ASH1L: variants seen among roughly 807,000 people sequenced by gnomAD.
ASH1L encodes histone-lysine N-methyltransferase ASH1L.
Under a neutral mutation model 269.0 loss-of-function variants are expected in ASH1L, and 23 were observed. That is an observed-to-expected ratio of 0.09 (90% CI 0.06 to 0.12). ASH1L has a LOEUF of 0.12. ASH1L is among the 10% of genes least tolerant of loss of function. The pLI, the probability that ASH1L is intolerant of heterozygous loss-of-function variation, is 1.00. For synonymous variants in ASH1L, 1,187 were observed against 1,253.5 expected (o/e 0.95, Z 1.12); for missense variants, 2,912 against 3,567.8 (o/e 0.82, Z 4.68).
chr1:155,345,212 A>C (rs1653163567), intron 21 of ASH1L, among the ~76,000 whole-genome samples: 2 of 109,794 alleles, frequency 1.8e-5, no homozygotes, highest in Admixed American at 1.4e-4. Context: ...ACTGAGTCTC[A>C]CTCCGTCACC....
Position 155,339,234 on chromosome 1 carries a change from G to C in ASH1L, c.8501+94C>G, listed in dbSNP as rs1430722170. 3.5e-6 allele frequency: 4 copies of C among 1,143,596 alleles called. No individual in the cohort carries two copies. In the African/African-American group the frequency reaches 6.1e-5, roughly 17 times the overall value. 70.8% of individuals were successfully genotyped at this position (1,143,596 alleles called of 1,614,324 possible). The stretch of plus-strand genomic sequence containing the variant: ...ACTCTGCAGAGAATACCCAGTCCTA[G>C]AAGTGGAGCTGAGTGGGTAGTTGTT... On this transcript the variant is annotated intron_variant, in intron 26 of 27. Transcript: ENST00000392403.
chr1:155,541,380 T>C (rs1405508703), intron 1 of ASH1L, among the ~76,000 whole-genome samples: 1 of 152,042 alleles, frequency 6.6e-6, no homozygotes, highest in Non-Finnish European at 1.5e-5. Flanking sequence ...ATAAGCACTA[T>C]ATACACCATG....
chr1:155,470,125 C>T (rs1664987724), intron 3 of ASH1L, among the ~76,000 whole-genome samples: 1 of 152,172 alleles, frequency 6.6e-6, no homozygotes, highest in Admixed American at 6.5e-5. Context: ...CAGTCCCTCA[C>T]TTCTCTGCTC....
Position 155,479,052 on chromosome 1 carries a change from T to C in ASH1L, c.3818A>G (p.Lys1273Arg), listed in dbSNP as rs185176385. ...ATTTCGAAGCTGGGGATATTTCTTT[T>C]TCCGTTTTCGTTTCTGCCTTTTCAT... The part of the protein sequence containing the change: ...DKMKRQKRKR[K>R]KKYPQLRNRQ... The change falls in exon 3 of 28, where the codon AAA becomes AGA. Residue 1273 changes from lysine to arginine, a missense_variant. By Grantham distance (26) the Lys-to-Arg change is conservative (BLOSUM62 2). Coordinates refer to ENST00000392403, the MANE Select transcript of ASH1L (RefSeq NM_018489.3). The C allele has an allele frequency of 9.9e-6, 16 of 1,614,084 alleles. 1 individual carries two copies. In the Admixed American group the frequency reaches 2.7e-4, roughly 27 times the overall value.
chr1:155,532,530 T>C (rs922310272), intron 1 of ASH1L, among the ~76,000 whole-genome samples: 1 of 152,118 alleles, frequency 6.6e-6, no homozygotes, highest in African/African-American at 2.4e-5. Flanking sequence ...GTTATTAATA[T>C]AGTGGTCTGG....
intron 10 of ASH1L, among the ~76,000 whole-genome samples, chr1:155,375,136 C>T (rs1337199957): frequency 1.2e-4 from 18 of 151,856 alleles, no homozygotes; most frequent in Admixed American, 1.1e-3. Flanking sequence ...TTTCATAATA[C>T]CTAATAACAC....
intron 2 of ASH1L, among the ~76,000 whole-genome samples, chr1:155,499,224 G>A (rs1667353895): frequency 1.3e-5 from 2 of 152,128 alleles, no homozygotes; most frequent in South Asian, 4.1e-4. Flanking sequence ...ATCATGTGAT[G>A]TAAACTTCCA....
At chr1:155,476,071 T>A (rs1219618140) in intron 3 of ASH1L, among the ~76,000 whole-genome samples, 1 of 152,166 alleles carries the variant, frequency 6.6e-6, no homozygotes, top group African/African-American at 2.4e-5. Context: ...GACCTAAGCA[T>A]AAGACTTTTT....
chr1:155,387,683 T>A (rs374486846), intron 7 of ASH1L, among the ~76,000 whole-genome samples: 60 of 152,300 alleles, frequency 3.9e-4, no homozygotes, highest in Middle Eastern at 3.4e-3. Context: ...AGAATTTCAA[T>A]GGTAGTTTAA....
Position 155,479,605 on chromosome 1 carries a change from G to T in ASH1L, c.3265C>A (p.Leu1089Ile). Reference protein sequence around the residue: ...QAAGSALGQILPPLLPSSASS... With the variant: ...QAAGSALGQIIPPLLPSSASS... ...GCAGATGAAGGCAGTAATGGGGGAA[G>T]AATCTGTCCTAATGCTGACCCAGCT... Residue 1089 changes from leucine (L) to isoleucine (I), a missense_variant, in exon 3 of 28, where the codon CTT becomes ATT. Around this residue, in one of 13 missense-constraint regions of ASH1L, gnomAD observed 157 missense variants for 154.6 expected, o/e 1.02. Coordinates refer to ENST00000392403, the MANE Select transcript of ASH1L (RefSeq NM_018489.3). The T allele has an allele frequency of 1.2e-6, 2 of 1,614,230 alleles. No homozygotes were observed. The highest frequency in any genetic ancestry group is 2.2e-5 in the South Asian group (2 of 91,080).
Position 155,481,405 on chromosome 1 carries a change from T to A in ASH1L, c.1465A>T (p.Asn489Tyr). ...TCATTAAACATTTCTTTCTCCAAAT[T>A]AATGATTTCTTTTCGTACTGAGAAC... is the stretch of plus-strand genomic sequence containing the variant. ...EKFSVRKEII[N>Y]LEKEMFNEGT... The change falls in exon 3 of 28, where the codon AAT becomes TAT. Residue 489 changes from asparagine to tyrosine, a missense_variant. Physicochemically the swap from Asn to Tyr is moderately radical, Grantham distance 143. Coordinates refer to ENST00000392403, the MANE Select transcript of ASH1L (RefSeq NM_018489.3). The A allele has an allele frequency of 6.2e-7, 1 of 1,614,044 alleles. No homozygotes were observed. The highest frequency in any genetic ancestry group is 8.5e-7 in the Non-Finnish European group (1 of 1,179,978).
At chr1:155,438,232 A>G in intron 5 of ASH1L, 95 bp downstream of exon 5, 1 of 1,286,044 alleles carries the variant, frequency 7.8e-7, no homozygotes, top group Non-Finnish European at 1.1e-6. Flanking sequence ...AAAAAATGAA[A>G]GGTTATAAGA....
At chr1:155,463,201 T>C (rs1664429521) in intron 3 of ASH1L, among the ~76,000 whole-genome samples, 2 of 152,186 alleles carry the variant, frequency 1.3e-5, no homozygotes, top group African/African-American at 4.8e-5. Flanking sequence ...CCAATATATA[T>C]GTATGTGTCC....
In ASH1L at chr1:155,481,882, T is replaced by C; in HGVS notation, c.988A>G (p.Thr330Ala). ...GAATCTTTGCTTAGCAGTCCTACTG[T>C]AGTGATAGTTCCTGGCTTTTTGCCT... is the stretch of plus-strand genomic sequence containing the variant. The part of the protein sequence containing the change: ...NLGKKPGTIT[T>A]VGLLSKDSGK... The change falls in exon 3 of 28, where the codon ACA becomes GCA. Residue 330 changes from threonine to alanine, a missense_variant. By Grantham distance (58) the Thr-to-Ala change is moderately conservative. Coordinates refer to ENST00000392403, the MANE Select transcript of ASH1L (RefSeq NM_018489.3). The C allele has an allele frequency of 3.1e-6, 5 of 1,614,176 alleles. No homozygotes were observed. Among genetic ancestry groups the C allele is most frequent in the South Asian group, 1.1e-5 (1 of 91,084 alleles).
chr1:155,349,695 A>AG, intron 17 of ASH1L, 99 bp from the exon 18 acceptor site: 1 of 839,758 alleles, frequency 1.2e-6, no homozygotes, highest in East Asian at 2.8e-5. Flanking sequence ...TAAAAGTGAG[A>AG]GAAAAATCCA....
chr1:155,341,179 AT>A lies in ASH1L; in HGVS notation c.8460+756del, dbSNP rs1031244574. 5.5e-3 allele frequency among the ~76,000 whole-genome samples: 506 copies of A among 92,052 alleles called. 6 individuals carry two copies. In the South Asian group the frequency reaches 0.083, roughly 15 times the overall value. 60.4% of individuals were successfully genotyped at this position (92,052 alleles called of 152,430 possible). On this transcript the variant is annotated intron_variant, in intron 25 of 27. Coordinates refer to ENST00000392403, the MANE Select transcript of ASH1L (RefSeq NM_018489.3). ...TAGAGACGGGGTTTCAATGTTCACA[AT>A]TTTTTTTTTTTTTTGAGACGGAGTC...
chr1:155,443,943 C>A (rs1193427792), intron 4 of ASH1L, among the ~76,000 whole-genome samples: 1 of 143,330 alleles, frequency 7.0e-6, no homozygotes, highest in Non-Finnish European at 1.5e-5. Flanking sequence ...ATTTTCATTT[C>A]TCTTGGGTGA....
intron 4 of ASH1L, among the ~76,000 whole-genome samples, chr1:155,457,345 C>T (rs897488902): frequency 6.6e-6 from 1 of 152,152 alleles, no homozygotes; most frequent in African/African-American, 2.4e-5. Flanking sequence ...ATTGCTTTTA[C>T]AACCTCCTTT....
chr1:155,465,880 T>C (rs1357835844), intron 3 of ASH1L, among the ~76,000 whole-genome samples: 2 of 152,314 alleles, frequency 1.3e-5, no homozygotes, highest in Non-Finnish European at 2.9e-5. Flanking sequence ...TCACAGTTGA[T>C]AGCCACCTTG....
Sources: allele counts gnomAD v4.1 joint callset (sites outside exome capture counted in the v4.1 genomes callset), GRCh38; gene constraint gnomAD v4.1.1; regional missense constraint gnomAD v4.1.1; transcripts MANE v1.5; gene names NCBI Gene and HGNC (gene_info 2026-07-23, HGNC 2026-07-21).